IARS1: variants seen among roughly 807,000 people sequenced by gnomAD.
The protein encoded by IARS1 is isoleucyl-tRNA synthetase 1.
In IARS1, 124 loss-of-function variants were observed where a neutral mutation model predicts 168.2. That is an observed-to-expected ratio of 0.74 (90% CI 0.64 to 0.86). IARS1 has a LOEUF of 0.86. Among genes scored for constraint, IARS1 ranks in the 40% least tolerant of loss-of-function variants. IARS1 has a pLI of 0.00. For missense variants in IARS1, 1,452 were observed against 1,515.8 expected (o/e 0.96, Z 0.70); for synonymous variants, 532 against 529.4 (o/e 1.00, Z -0.07).
intron 7 of IARS1, among the ~76,000 whole-genome samples, chr9:92,279,899 T>C (rs1834293673): frequency 6.6e-6 from 1 of 152,244 alleles, no homozygotes; most frequent in Admixed American, 6.5e-5. Flanking sequence ...AGTATCTGTC[T>C]TTTGGTGACT....
At chr9:92,215,688 T>C (rs1220265112) in intron 33 of IARS1, among the ~76,000 whole-genome samples, 7 of 151,634 alleles carry the variant, frequency 4.6e-5, no homozygotes, top group Admixed American at 4.6e-4. Context: ...GAAGATGAAA[T>C]GAATGAAATG....
chr9:92,274,603 C>T (rs1279126289), intron 9 of IARS1, 82 bp from the exon 10 acceptor site: 4 of 924,432 alleles, frequency 4.3e-6, no homozygotes, highest in Non-Finnish European at 5.2e-6. Flanking sequence ...TTCCTAAGAA[C>T]CTGAAAATGC....
intron 20 of IARS1, among the ~76,000 whole-genome samples, chr9:92,254,610 T>G (rs1459192277): frequency 1.3e-5 from 2 of 152,190 alleles, no homozygotes; most frequent in African/African-American, 4.8e-5. Context: ...TCTAAATGAT[T>G]TCTAGGGTTC....
Position 92,250,101 on chromosome 9 carries a change from G to A in IARS1, c.2532+86C>T, listed in dbSNP as rs1829791337. 3.1e-6 allele frequency: 3 copies of A among 965,972 alleles called. No individual in the cohort carries two copies. The South Asian group carries it at 4.0e-5, about 13-fold the overall frequency. 59.8% of individuals were successfully genotyped at this position (965,972 alleles called of 1,614,324 possible). ...CTGCAGAAAAGGAAAAAGGCCATTG[G>A]TGGAAGCTCTCTATATTAAAAAAGC... On this transcript the variant is annotated intron_variant, in intron 24 of 33. Transcript: ENST00000443024.
At chr9:92,256,851 T>G (rs1327822600) in intron 19 of IARS1, 51 bp from the exon 20 acceptor site, 1 of 1,549,466 alleles carries the variant, frequency 6.5e-7, no homozygotes, top group Non-Finnish European at 8.8e-7. Flanking sequence ...AGAAAGTTAC[T>G]ATGAGGAAAT....
chr9:92,267,916 T>C (rs1344333585), intron 14 of IARS1, among the ~76,000 whole-genome samples: 2 of 152,186 alleles, frequency 1.3e-5, no homozygotes, highest in Non-Finnish European at 2.9e-5. Context: ...TTAAAGTGTG[T>C]ATTTCCCTGA....
rs1044116650 is a variant in IARS1 at position 92,249,980 on chromosome 9, A to C, written c.2533-39T>G. The C allele has an allele frequency of 5.0e-6, 6 of 1,196,774 alleles. No individual in the cohort carries two copies. The African/African-American group carries it at 9.0e-5, about 18-fold the overall frequency. 74.1% of individuals were successfully genotyped at this position (1,196,774 alleles called of 1,614,324 possible). A position where few individuals can be genotyped will look rare whatever the true frequency, so the allele number is the denominator to read the frequency against. On this transcript the variant is annotated intron_variant, in intron 24 of 33. Transcript: ENST00000443024. Reference sequence around the variant, plus strand: ...GGAGGGGAAAGTTCACTCAGCAGCCAGTCCTCTAAAACTGCAGAAAAATGG... The same window carrying C: ...GGAGGGGAAAGTTCACTCAGCAGCCCGTCCTCTAAAACTGCAGAAAAATGG...
chr9:92,221,611 A>T (rs761262235), intron 33 of IARS1, among the ~76,000 whole-genome samples: 1 of 152,246 alleles, frequency 6.6e-6, no homozygotes, highest in African/African-American at 2.4e-5. Context: ...GAGCAGCCAC[A>T]GAAGCTGAAA....
intron 13 of IARS1, 128 bp from the exon 14 acceptor site, chr9:92,268,428 C>G: frequency 1.2e-6 from 1 of 863,266 alleles, no homozygotes; most frequent in African/African-American, 1.7e-5. Flanking sequence ...GCGCTCACTG[C>G]AAAGAGAATG....
chr9:92,280,993 G>A (rs1308008015), intron 6 of IARS1, 100 bp from the exon 7 acceptor site: 121 of 730,576 alleles, frequency 1.7e-4, no homozygotes, highest in South Asian at 9.0e-4. Context: ...AAATCTTCAG[G>A]GTAAACCGAA....
At chr9:92,241,759 T>G (rs1224863529) in intron 29 of IARS1, among the ~76,000 whole-genome samples, 1 of 151,890 alleles carries the variant, frequency 6.6e-6, no homozygotes, top group Non-Finnish European at 1.5e-5. Context: ...ATCTTTCTTT[T>G]TTTGTACTGT....
chr9:92,251,723 G>T, intron 22 of IARS1, 85 bp downstream of exon 22: 2 of 873,846 alleles, frequency 2.3e-6, no homozygotes, highest in Non-Finnish European at 3.8e-6. Context: ...ATACAGAATG[G>T]ATATAAATGG....
intron 30 of IARS1, among the ~76,000 whole-genome samples, chr9:92,240,036 C>T (rs755211084): frequency 3.3e-5 from 5 of 152,032 alleles, no homozygotes; most frequent in African/African-American, 9.7e-5. Flanking sequence ...TTTGGGTATA[C>T]GAGGCAGAAA....
In IARS1 at chr9:92,242,155, T is replaced by A; in HGVS notation, c.3176A>T (p.Gln1059Leu). The part of the protein sequence containing the change: ...SDKVLIQEKT[Q>L]LKGSELEITL... The stretch of plus-strand genomic sequence containing the variant: ...AGTTCAGTGGAACTCAGGACTCACC[T>A]GTGTTTTTTCTTGAATAAGGACTTT... The change falls in exon 29 of 34, where the codon CAG (glutamine) becomes CTG (leucine). Residue 1059 changes from glutamine (Q) to leucine (L), a missense_variant and splice_region_variant. Physicochemically the swap from Gln to Leu is moderately radical, Grantham distance 113. Transcript: ENST00000443024. 6.2e-7 allele frequency: 1 copy of A among 1,612,718 alleles called. No individual in the cohort carries two copies. The highest frequency in any genetic ancestry group is 8.5e-7 in the Non-Finnish European group (1 of 1,179,038).
At chr9:92,224,974 A>G (rs980681993) in intron 31 of IARS1, among the ~76,000 whole-genome samples, 2 of 152,202 alleles carry the variant, frequency 1.3e-5, no homozygotes, top group African/African-American at 4.8e-5. Context: ...GGGCTCCACA[A>G]CATTACTTCC....
chr9:92,216,735 T>C (rs1838772305), intron 33 of IARS1, among the ~76,000 whole-genome samples: 1 of 114,210 alleles, frequency 8.8e-6, no homozygotes, highest in Non-Finnish European at 1.8e-5. Flanking sequence ...ATCCTAAATA[T>C]ATATGCACCC....
chr9:92,233,362 G>A (rs144951095), intron 30 of IARS1, among the ~76,000 whole-genome samples: 2 of 152,140 alleles, frequency 1.3e-5, no homozygotes, highest in Non-Finnish European at 2.9e-5. Context: ...TTAAAGTCTT[G>A]TCATCCAACG....
intron 30 of IARS1, among the ~76,000 whole-genome samples, chr9:92,234,058 A>G (rs544396): frequency 0.67 from 101,252 of 152,084 alleles, 35,678 homozygotes; most frequent in African/African-American, 0.91. Context: ...ACCACGCCTG[A>G]CCTAGCATCT....
At chr9:92,285,211 A>G (rs1187019262) in intron 6 of IARS1, among the ~76,000 whole-genome samples, 1 of 152,246 alleles carries the variant, frequency 6.6e-6, no homozygotes, top group Admixed American at 6.5e-5. Flanking sequence ...TAGATATGGT[A>G]TAACAATACA....
Sources: allele counts gnomAD v4.1 joint callset (sites outside exome capture counted in the v4.1 genomes callset), GRCh38; gene constraint gnomAD v4.1.1; transcripts MANE v1.5; gene names NCBI Gene and HGNC (gene_info 2026-07-23, HGNC 2026-07-21).